PRDM11: variants seen among roughly 807,000 people sequenced by gnomAD.
PRDM11 encodes PR domain-containing protein 11.
In PRDM11, 20 loss-of-function variants were observed where a neutral mutation model predicts 97.8. The observed-to-expected ratio is 0.20, with a 90% CI of 0.14 to 0.30. The LOEUF (loss-of-function observed/expected upper bound fraction) is 0.30. Ranked by LOEUF, PRDM11 falls within the 10% of genes least tolerant of loss-of-function variation. The pLI, the probability that PRDM11 is intolerant of heterozygous loss-of-function variation, is 1.00. For synonymous variants in PRDM11, 599 were observed against 637.7 expected (o/e 0.94, Z 0.91); for missense variants, 1,139 against 1,555.2 (o/e 0.73, Z 4.50).
At chr11:45,162,946 A>T (rs1424094494) in intron 1 of PRDM11, among the ~76,000 whole-genome samples, 1 of 152,180 alleles carries the variant, frequency 6.6e-6, no homozygotes, top group Non-Finnish European at 1.5e-5. Context: ...TTCAGCACTG[A>T]TGGGGAGGGT....
rs189015134 is a variant in PRDM11 at position 45,190,190 on chromosome 11, A to G, written c.486+7067A>G. On this transcript the variant is annotated intron_variant, in intron 4 of 7. Transcript: ENST00000683152. ...GAGATGGAGTCTCACTCTATCACCC[A>G]GGCTGGAGTGCAGTGGCATGATCTC... is the stretch of plus-strand genomic sequence containing the variant. Among the ~76,000 whole-genome samples, 118 of 151,026 alleles carry G rather than the reference A, an allele frequency of 7.8e-4. 1 individual carries two copies. Among genetic ancestry groups the G allele is most frequent in the Admixed American group, 2.6e-3 (39 of 15,132 alleles).
intron 4 of PRDM11, among the ~76,000 whole-genome samples, chr11:45,186,205 C>T (rs899013820): frequency 1.3e-5 from 2 of 152,142 alleles, no homozygotes; most frequent in African/African-American, 4.8e-5. Context: ...CAACAGGGAA[C>T]TCATATAGGA....
chr11:45,228,257 A>G lies in PRDM11; in HGVS notation c.*98A>G. The stretch of plus-strand genomic sequence containing the variant: ...ATATAAATATATATTATATTATATT[A>G]TATTATATTATATATATATATATAT... On this transcript the variant is annotated 3_prime_UTR_variant, in exon 8 of 8. Coordinates refer to ENST00000683152, the MANE Select transcript of PRDM11 (RefSeq NM_001384648.1). The G allele has an allele frequency of 3.4e-6, 1 of 297,112 alleles. No homozygotes were observed. The highest frequency in any genetic ancestry group is 5.0e-6 in the Non-Finnish European group (1 of 200,848). 18.4% of individuals were successfully genotyped at this position (297,112 alleles called of 1,614,324 possible). A position where few individuals can be genotyped will look rare whatever the true frequency, so the allele number is the denominator to read the frequency against.
Position 45,139,183 on chromosome 11 carries a change from T to C in PRDM11, c.97-42578T>C, listed in dbSNP as rs947879318. Among the ~76,000 whole-genome samples, 3 of 152,136 alleles carry C rather than the reference T, an allele frequency of 2.0e-5. No homozygotes were observed. In the South Asian group the frequency reaches 6.2e-4, roughly 32 times the overall value. ...AGATTGATGGTGTTCAGCATAAGGG[T>C]GTCGGGGAAACAAGCAGGCTCATAC... is the stretch of plus-strand genomic sequence containing the variant. On this transcript the variant is annotated intron_variant, in intron 1 of 6. Transcript: ENST00000530656.
chr11:45,114,709 C>CA (rs952392036), intron 1 of PRDM11, among the ~76,000 whole-genome samples: 8 of 151,754 alleles, frequency 5.3e-5, no homozygotes, highest in African/African-American at 1.5e-4. Context: ...ACCAAACACA[C>CA]AAAAAAACCA....
intron 4 of PRDM11, among the ~76,000 whole-genome samples, chr11:45,194,590 CTGTTTTTTTTTTT>C (rs1853039220): frequency 2.2e-5 from 2 of 89,992 alleles, no homozygotes; most frequent in African/African-American, 3.8e-5. Flanking sequence ...TTATTATCTT[CTGTTTTTTTTTTT>C]TTTTTTTTTT....
chr11:45,214,318 G>A (rs929100162), intron 5 of PRDM11: 6 of 152,746 alleles, frequency 3.9e-5, no homozygotes, highest in African/African-American at 1.5e-4. Context: ...CCTCAGCTCT[G>A]TGTCCTTTTT....
chr11:45,181,649 A>C, intron 1 of PRDM11, 112 bp from the exon 2 acceptor site: 1 of 787,954 alleles, frequency 1.3e-6, no homozygotes, highest in Non-Finnish European at 2.1e-6. Context: ...TGGGGATGGC[A>C]GGGAGGGTAA....
In PRDM11 at chr11:45,224,746, C is replaced by A. The variant is rs756934317; in HGVS notation, c.1272C>A (p.Leu424=). The A allele has an allele frequency of 6.2e-7, 1 of 1,614,196 alleles. No individual in the cohort carries two copies. Among genetic ancestry groups the A allele is most frequent in the East Asian group, 2.2e-5 (1 of 44,880 alleles). Reference sequence around the variant, plus strand: ...GCCTAAAGAAGAAGGTTCGGGAGCTCCAGGCAGAATTAGACATGCTTAAGT... The same window carrying A: ...GCCTAAAGAAGAAGGTTCGGGAGCTACAGGCAGAATTAGACATGCTTAAGT... The part of the protein sequence containing the change: ...CIRLKKKVRE[L]QAELDMLKSG... The change falls in exon 7 of 8, where the codon CTC becomes CTA. Residue 424 remains leucine, a synonymous_variant. Transcript: ENST00000683152.
At chr11:45,169,457 C>T (rs1852148327) in intron 1 of PRDM11, among the ~76,000 whole-genome samples, 1 of 152,208 alleles carries the variant, frequency 6.6e-6, no homozygotes, top group Non-Finnish European at 1.5e-5. Context: ...AACACACTTA[C>T]CGCTTACTGG....
At chr11:45,133,602 G>A (rs564535546) in intron 1 of PRDM11, among the ~76,000 whole-genome samples, 1 of 152,216 alleles carries the variant, frequency 6.6e-6, no homozygotes, top group African/African-American at 2.4e-5. Flanking sequence ...ACCAGTGTTC[G>A]CTGAGTTTCG....
Position 45,230,152 on chromosome 11 carries a change from A to G in PRDM11, c.*1993A>G, listed in dbSNP as rs1854372337. On this transcript the variant is annotated 3_prime_UTR_variant, in exon 8 of 8. Coordinates refer to ENST00000683152, the MANE Select transcript of PRDM11 (RefSeq NM_001384648.1). Reference sequence around the variant, plus strand: ...TTATATATATTATATATTATTTTTGAAATATTTTTGTTTGTTTTCAACAGT... The same window carrying G: ...TTATATATATTATATATTATTTTTGGAATATTTTTGTTTGTTTTCAACAGT... 6.7e-6 allele frequency: 1 copy of G among 150,170 alleles called. No homozygotes were observed. Among genetic ancestry groups the G allele is most frequent in the Non-Finnish European group, 1.5e-5 (1 of 67,656 alleles). 9.3% of individuals were successfully genotyped at this position (150,170 alleles called of 1,614,324 possible).
chr11:45,145,998 C>G (rs1047548890), upstream of PRDM11, among the ~76,000 whole-genome samples: 6 of 152,214 alleles, frequency 3.9e-5, no homozygotes, highest in African/African-American at 9.7e-5. Flanking sequence ...ACCAGCCCCT[C>G]CAGTTCTCAG....
chr11:45,138,101 C>T (rs1196647974), intron 1 of PRDM11, among the ~76,000 whole-genome samples: 1 of 152,176 alleles, frequency 6.6e-6, no homozygotes, highest in Non-Finnish European at 1.5e-5. Flanking sequence ...TGTTGAGTAA[C>T]TTGCTCTCAA....
chr11:45,169,395 A>C (rs1481697843), intron 1 of PRDM11, among the ~76,000 whole-genome samples: 2 of 152,190 alleles, frequency 1.3e-5, no homozygotes, highest in Non-Finnish European at 2.9e-5. Flanking sequence ...AGCACATCTA[A>C]ATGTGTATGT....
chr11:45,112,827 C>T (rs1419345340), intron 1 of PRDM11, among the ~76,000 whole-genome samples: 2 of 151,594 alleles, frequency 1.3e-5, no homozygotes, highest in East Asian at 1.9e-4. Context: ...GCTAATTTGA[C>T]TGCCTTGCAG....
intron 5 of PRDM11, chr11:45,208,881 G>A (rs1484872673): frequency 2.3e-6 from 1 of 444,124 alleles, no homozygotes; most frequent in Non-Finnish European, 4.6e-6. Context: ...AAGGAATGTG[G>A]CACACCTGGC....
At chr11:45,159,712 G>C (rs1396879539) in intron 1 of PRDM11, among the ~76,000 whole-genome samples, 1 of 152,152 alleles carries the variant, frequency 6.6e-6, no homozygotes, top group Non-Finnish European at 1.5e-5. Flanking sequence ...GGCCTGCCTG[G>C]GCCTTTGCCT....
At position 45,232,967 on chromosome 11, in the gene PRDM11, C is replaced by G. The variant is rs1216976264; in HGVS notation, c.*4808C>G. On this transcript the variant is annotated 3_prime_UTR_variant, in exon 8 of 8. Transcript: ENST00000683152. The stretch of plus-strand genomic sequence containing the variant: ...TGGAAATACCTATGCAATCCAGTCT[C>G]CCTAGGAGAGAGTGCATGGAAGCAG... 2 of 149,480 alleles carry G rather than the reference C, an allele frequency of 1.3e-5. No individual in the cohort carries two copies. The highest frequency in any genetic ancestry group is 4.1e-4 in the East Asian group (2 of 4,858). The allele number at this position is 149,480 out of a possible 1,614,324, so 9.3% of individuals were successfully genotyped here.
Sources: allele counts gnomAD v4.1 joint callset (sites outside exome capture counted in the v4.1 genomes callset), GRCh38; gene constraint gnomAD v4.1.1; transcripts MANE v1.5; gene names NCBI Gene and HGNC (gene_info 2026-07-23, HGNC 2026-07-21).